Variants in PTCHD4 observed in about 807,000 individuals in gnomAD.
PTCHD4 encodes patched domain-containing protein 4.
A neutral mutation model predicts 58.1 loss-of-function variants in PTCHD4; 33 were observed. The observed-to-expected ratio is 0.57, with a 90% CI of 0.43 to 0.76. PTCHD4 has a LOEUF of 0.76. PTCHD4 is among the 30% of genes least tolerant of loss of function. The pLI is 0.00. For synonymous variants in PTCHD4, 478 were observed against 409.6 expected (o/e 1.17, Z -2.02); for missense variants, 1,058 against 1,027.1 (o/e 1.03, Z -0.41).
At chr6:47,918,434 G>C (rs1458954489) in intron 4 of PTCHD4, among the ~76,000 whole-genome samples, 2 of 152,064 alleles carry the variant, frequency 1.3e-5, no homozygotes, top group Admixed American at 6.6e-5. Context: ...ACAAGAACCA[G>C]GACAACAAAG....
rs150744561 is a variant in PTCHD4 at position 47,916,707 on chromosome 6, T to C, written c.899-36771A>G. On this transcript the variant is annotated intron_variant, in intron 4 of 4. Coordinates refer to ENST00000339488, the MANE Select transcript of PTCHD4 (RefSeq NM_001384253.1). ...CTCTAAGGTGTTAGAACCGGAGGAA[T>C]ATACCATGCTTCCTCCTACAAGGCT... Among the ~76,000 whole-genome samples, 481 of 152,084 alleles carry C rather than the reference T, an allele frequency of 3.2e-3. 4 individuals are homozygous for C. The highest frequency in any genetic ancestry group is 0.011 in the African/African-American group (461 of 41,502).
intron 3 of PTCHD4, among the ~76,000 whole-genome samples, chr6:48,017,702 CAA>C (rs1365133013): frequency 1.3e-4 from 20 of 152,092 alleles, no homozygotes; most frequent in African/African-American, 4.6e-4. Context: ...ACATTGGGAC[CAA>C]GAGAGAGGAT....
At chr6:47,906,397 G>A (rs569991167) in intron 4 of PTCHD4, among the ~76,000 whole-genome samples, 7 of 152,222 alleles carry the variant, frequency 4.6e-5, no homozygotes, top group South Asian at 4.2e-4. Context: ...TCCACTTGTC[G>A]GATCAGTCTC....
intron 4 of PTCHD4, among the ~76,000 whole-genome samples, chr6:47,997,233 C>A (rs1249830088): frequency 2.6e-5 from 4 of 152,044 alleles, no homozygotes; most frequent in African/African-American, 9.7e-5. Flanking sequence ...AGCCAGTTAA[C>A]CTCCTTCCTC....
chr6:48,053,029 C>T (rs1438655340), intron 3 of PTCHD4, among the ~76,000 whole-genome samples: 2 of 152,072 alleles, frequency 1.3e-5, no homozygotes, highest in Non-Finnish European at 2.9e-5. Context: ...CTTTAATGAA[C>T]ATGCTTTTCC....
In PTCHD4 at chr6:48,110,188, C is replaced by T. The variant is rs79957380; in HGVS notation, c.-970+861G>A. Reference sequence around the variant, plus strand: ...CTTATTGCAGCATTATTTACAATAGCCAAAACATAGAATCAACTTAAATAT... The same window carrying T: ...CTTATTGCAGCATTATTTACAATAGTCAAAACATAGAATCAACTTAAATAT... On this transcript the variant is annotated intron_variant, in intron 1 of 4. Transcript: ENST00000339488. Among the ~76,000 whole-genome samples the T allele has an allele frequency of 2.1e-3, 324 of 152,162 alleles. 4 individuals carry two copies. The East Asian group carries it at 0.053, about 25-fold the overall frequency.
At chr6:47,984,609 T>A (rs111971325) in intron 4 of PTCHD4, among the ~76,000 whole-genome samples, 1 of 152,112 alleles carries the variant, frequency 6.6e-6, no homozygotes, top group Non-Finnish European at 1.5e-5. Flanking sequence ...ATGATTCTTT[T>A]AAATAAGAAA....
At chr6:48,022,816 A>G (rs925096795) in intron 3 of PTCHD4, among the ~76,000 whole-genome samples, 3 of 152,100 alleles carry the variant, frequency 2.0e-5, no homozygotes, top group Non-Finnish European at 4.4e-5. Context: ...CTCAAAAGCA[A>G]AGTGTATGTG....
At chr6:48,023,850 A>G (rs1290299787) in intron 3 of PTCHD4, among the ~76,000 whole-genome samples, 1 of 152,204 alleles carries the variant, frequency 6.6e-6, no homozygotes, top group Non-Finnish European at 1.5e-5. Context: ...CAAGGTCTTC[A>G]GAGGAAAGAC....
At chr6:48,025,931 T>C (rs576325048) in intron 3 of PTCHD4, among the ~76,000 whole-genome samples, 1 of 152,180 alleles carries the variant, frequency 6.6e-6, no homozygotes, top group African/African-American at 2.4e-5. Context: ...GAGATCTCCC[T>C]AGTTTTAAAG....
At chr6:48,049,508 C>G (rs1764157082) in intron 3 of PTCHD4, among the ~76,000 whole-genome samples, 1 of 152,038 alleles carries the variant, frequency 6.6e-6, no homozygotes, top group Middle Eastern at 3.4e-3. Context: ...TGAGCATGCT[C>G]TAAAGACTGG....
Position 48,098,318 on chromosome 6 carries a change from T to TTTCTTC in PTCHD4, c.-970+12725_-970+12730dup, listed in dbSNP as rs374977976. On this transcript the variant is annotated intron_variant, in intron 1 of 4. Coordinates refer to ENST00000339488, the MANE Select transcript of PTCHD4 (RefSeq NM_001384253.1). Reference sequence around the variant, plus strand: ...GAAAAGTAACTGGAATTTCTTTTCTTTTCTTCTTCTTCTTCTTCTTCTTCT... The same window carrying TTTCTTC: ...GAAAAGTAACTGGAATTTCTTTTCTTTTCTTCTTCTTCTTCTTCTTCTTCTTCTTCT... Among the ~76,000 whole-genome samples the TTTCTTC allele has an allele frequency of 4.7e-3, 674 of 142,648 alleles. 5 individuals are homozygous for TTTCTTC. Among genetic ancestry groups the TTTCTTC allele is most frequent in the African/African-American group, 0.017 (636 of 38,392 alleles). 93.6% of individuals were successfully genotyped at this position (142,648 alleles called of 152,430 possible).
chr6:47,965,991 G>T (rs1387670315), intron 4 of PTCHD4, among the ~76,000 whole-genome samples: 1 of 152,140 alleles, frequency 6.6e-6, no homozygotes, highest in African/African-American at 2.4e-5. Context: ...GTTCCCATTT[G>T]ATGTAAGTGC....
In PTCHD4 at chr6:48,008,666, G is replaced by A. The variant is rs1342040351; in HGVS notation, c.866C>T (p.Ser289Phe). Residue 289 changes from serine (S) to phenylalanine (F), a missense_variant, in exon 4 of 5, where the codon TCC becomes TTC. Transcript: ENST00000339488. ...GAAGAACGGGATTCCCAGCAGGGTGGAGTTGTACTTTCCATCGGTGATGAA... is the reference window on the plus strand; with the variant it reads ...GAAGAACGGGATTCCCAGCAGGGTGAAGTTGTACTTTCCATCGGTGATGAA... ...IFFITDGKYN[S>F]TLLGIPFFAM... 24 of 1,613,280 alleles carry A rather than the reference G, an allele frequency of 1.5e-5. No individual in the cohort carries two copies. The highest frequency in any genetic ancestry group is 1.9e-5 in the Non-Finnish European group (22 of 1,179,680).
chr6:47,918,496 C>T (rs1040915692), intron 4 of PTCHD4, among the ~76,000 whole-genome samples: 3 of 151,976 alleles, frequency 2.0e-5, no homozygotes, highest in South Asian at 2.1e-4. Context: ...ATGCCATTTT[C>T]GTTAAGGTAT....
intron 4 of PTCHD4, among the ~76,000 whole-genome samples, chr6:47,967,480 C>T (rs1237434748): frequency 6.6e-6 from 1 of 152,180 alleles, no homozygotes; most frequent in East Asian, 1.9e-4. Flanking sequence ...AATATCAGCC[C>T]TTAACACGAG....
At position 48,096,635 on chromosome 6, in the gene PTCHD4, GA is replaced by G. The variant is rs775492015; in HGVS notation, c.-970+14413del. ...TAAAAAAAAAAAAAAAAGAAATAAAGAAATTCATTGTGCCATTGTGCTTGAA... is the reference window on the plus strand; with the variant it reads ...TAAAAAAAAAAAAAAAAGAAATAAAGAATTCATTGTGCCATTGTGCTTGAA... On this transcript the variant is annotated intron_variant, in intron 1 of 4. Transcript: ENST00000339488. Among the ~76,000 whole-genome samples, 373 of 147,318 alleles carry G rather than the reference GA, an allele frequency of 2.5e-3. 1 individual carries two copies. The highest frequency in any genetic ancestry group is 8.6e-3 in the African/African-American group (346 of 40,216).
At chr6:48,044,697 G>T (rs968589423) in intron 3 of PTCHD4, among the ~76,000 whole-genome samples, 2 of 151,670 alleles carry the variant, frequency 1.3e-5, no homozygotes, top group African/African-American at 4.8e-5. Flanking sequence ...AACAGGTATT[G>T]GTATGCTCCA....
At chr6:47,978,315 C>A (rs1024654024) in intron 4 of PTCHD4, among the ~76,000 whole-genome samples, 3 of 152,164 alleles carry the variant, frequency 2.0e-5, no homozygotes, top group African/African-American at 7.2e-5. Flanking sequence ...TACCATTATT[C>A]CTCACACCAG....
Sources: allele counts gnomAD v4.1 joint callset (sites outside exome capture counted in the v4.1 genomes callset), GRCh38; gene constraint gnomAD v4.1.1; transcripts MANE v1.5; gene names NCBI Gene and HGNC (gene_info 2026-07-23, HGNC 2026-07-21).